Variants in NRCAM observed in about 807,000 individuals in gnomAD.
NRCAM encodes the protein NgCAM-related cell adhesion molecule.
NRCAM carries 83 observed loss-of-function variants against 156.5 expected under a neutral mutation model. The observed-to-expected ratio is 0.53, with a 90% confidence interval of 0.44 to 0.64. NRCAM has a LOEUF of 0.64. NRCAM is among the 30% of genes least tolerant of loss of function. The pLI is 0.00. For synonymous variants in NRCAM, 538 were observed against 563.9 expected (o/e 0.95, Z 0.65); for missense variants, 1,417 against 1,597.3 (o/e 0.89, Z 1.92).
chr7:108,332,779 T>G (rs150433844), intron 2 of NRCAM, among the ~76,000 whole-genome samples: 255 of 152,332 alleles, frequency 1.7e-3, no homozygotes, highest in African/African-American at 5.7e-3. Context: ...ACACATCTTA[T>G]TCAAAACACA....
intron 2 of NRCAM, among the ~76,000 whole-genome samples, chr7:108,373,191 G>T (rs1056427568): frequency 3.9e-5 from 6 of 152,152 alleles, no homozygotes; most frequent in African/African-American, 1.4e-4. Context: ...CCAAGGGGTG[G>T]AAGTAGGAGG....
intron 11 of NRCAM, among the ~76,000 whole-genome samples, chr7:108,216,006 C>T (rs1228886565): frequency 3.3e-5 from 5 of 152,124 alleles, no homozygotes; most frequent in East Asian, 1.9e-4. Context: ...TTCATAGTGT[C>T]GATGGTGTTT....
chr7:108,209,081 A>C (rs1433440018), intron 12 of NRCAM, among the ~76,000 whole-genome samples: 1 of 152,198 alleles, frequency 6.6e-6, no homozygotes, highest in East Asian at 1.9e-4. Flanking sequence ...AGCTATGCAA[A>C]TATCCTGTTT....
intron 1 of NRCAM, among the ~76,000 whole-genome samples, chr7:108,419,341 TTAACA>T (rs761815646): frequency 6.6e-6 from 1 of 152,208 alleles, no homozygotes; most frequent in Non-Finnish European, 1.5e-5. Flanking sequence ...CCTCCTCCTC[TTAACA>T]TATTTCTTAC....
intron 19 of NRCAM, 117 bp downstream of exon 19, chr7:108,191,137 G>T: frequency 1.3e-6 from 1 of 761,132 alleles, no homozygotes; most frequent in Non-Finnish European, 2.1e-6. Context: ...ACAACTGACA[G>T]AGACCTTTTC....
intron 3 of NRCAM, among the ~76,000 whole-genome samples, chr7:108,248,684 C>G (rs1257991845): frequency 6.6e-6 from 1 of 152,132 alleles, no homozygotes; most frequent in East Asian, 1.9e-4. Context: ...CCAAAGTCCC[C>G]ATGCTCTCCT....
At chr7:108,397,784 C>T (rs1369393529) in intron 2 of NRCAM, among the ~76,000 whole-genome samples, 2 of 152,168 alleles carry the variant, frequency 1.3e-5, no homozygotes, top group East Asian at 3.8e-4. Context: ...TTGTTACTGT[C>T]CTTAACTTCA....
chr7:108,212,316 G>A (rs901546159), intron 11 of NRCAM, among the ~76,000 whole-genome samples: 4 of 152,128 alleles, frequency 2.6e-5, no homozygotes, highest in African/African-American at 7.2e-5. Context: ...ACCAACTCTG[G>A]TAATATGACT....
At chr7:108,277,814 G>A (rs2097697053) in intron 3 of NRCAM, among the ~76,000 whole-genome samples, 1 of 152,120 alleles carries the variant, frequency 6.6e-6, no homozygotes. Flanking sequence ...GAGGAGAAGA[G>A]GCCTTCTGGT....
At chr7:108,356,332 A>G (rs1211064423) in intron 2 of NRCAM, among the ~76,000 whole-genome samples, 1 of 152,208 alleles carries the variant, frequency 6.6e-6, no homozygotes, top group Non-Finnish European at 1.5e-5. Context: ...ATTATTATTA[A>G]TCTTTTACTG....
chr7:108,407,626 A>C (rs1306746909), intron 1 of NRCAM, among the ~76,000 whole-genome samples: 1 of 152,186 alleles, frequency 6.6e-6, no homozygotes, highest in African/African-American at 2.4e-5. Context: ...GACAGTGAGC[A>C]GTCTGCCTGA....
At chr7:108,418,837 G>A (rs1805346449) in intron 1 of NRCAM, among the ~76,000 whole-genome samples, 1 of 152,020 alleles carries the variant, frequency 6.6e-6, no homozygotes, top group Non-Finnish European at 1.5e-5. Context: ...CAGTGTATAG[G>A]CTTTTGAATA....
chr7:108,370,349 T>C (rs988508335), intron 2 of NRCAM, among the ~76,000 whole-genome samples: 1 of 152,106 alleles, frequency 6.6e-6, no homozygotes, highest in Non-Finnish European at 1.5e-5. Flanking sequence ...CTATGCCAAC[T>C]CTCTCAGATC....
chr7:108,278,248 T>C (rs2097716713), intron 3 of NRCAM, among the ~76,000 whole-genome samples: 1 of 152,240 alleles, frequency 6.6e-6, no homozygotes, highest in African/African-American at 2.4e-5. Flanking sequence ...AATGCAGTGC[T>C]GGGAGAACCA....
At chr7:108,456,531 TC>T (rs1333572989), upstream of NRCAM, 2 of 151,030 alleles carry the variant, frequency 1.3e-5, no homozygotes, top group Non-Finnish European at 3.0e-5. Context: ...CTTAGCGTCC[TC>T]CCGTCCCCCT....
intron 2 of NRCAM, among the ~76,000 whole-genome samples, chr7:108,379,970 A>C (rs1375804124): frequency 1.3e-5 from 2 of 152,240 alleles, no homozygotes; most frequent in Non-Finnish European, 2.9e-5. Flanking sequence ...TCTGTAATTG[A>C]TGAAAGACTT....
At chr7:108,225,184 T>C (rs1163590340) in intron 10 of NRCAM, among the ~76,000 whole-genome samples, 5 of 152,190 alleles carry the variant, frequency 3.3e-5, no homozygotes, top group Admixed American at 2.6e-4. Context: ...TTGCTAATTA[T>C]ATTGATAATG....
At chr7:108,204,617 G>T (rs1173156725) in intron 13 of NRCAM, among the ~76,000 whole-genome samples, 2 of 152,222 alleles carry the variant, frequency 1.3e-5, no homozygotes, top group Non-Finnish European at 2.9e-5. Flanking sequence ...CGGGCTCCTT[G>T]CTTTGCTGCC....
intron 2 of NRCAM, among the ~76,000 whole-genome samples, chr7:108,340,504 G>A (rs1048329674): frequency 1.3e-5 from 2 of 152,138 alleles, no homozygotes; most frequent in Non-Finnish European, 1.5e-5. Flanking sequence ...AGAGTTTGGC[G>A]ATCTCTGGTA....
Sources: gnomAD v4.1 joint callset for allele counts (sites outside exome capture counted in the v4.1 genomes callset) on GRCh38, gnomAD v4.1.1 for gene constraint, MANE v1.5 for transcripts, NCBI Gene and HGNC (gene_info 2026-07-23, HGNC 2026-07-21) for gene names.